FASTKD1: variants seen among roughly 807,000 people sequenced by gnomAD.
The protein encoded by FASTKD1 is FAST kinase domain-containing protein 1, mitochondrial.
Under a neutral mutation model 90.9 loss-of-function variants are expected in FASTKD1, and 94 were observed. The ratio of observed to expected loss-of-function variants is 1.03; its 90% CI spans 0.88 to 1.23. The LOEUF (loss-of-function observed/expected upper bound fraction) is 1.23, where lower values mean the gene tolerates loss of function less well. Among genes scored for constraint, FASTKD1 ranks in the 50% most tolerant of loss-of-function variants. The pLI is 0.00. For synonymous variants in FASTKD1, 319 were observed against 345.8 expected (o/e 0.92, Z 0.86); for missense variants, 945 against 993.5 (o/e 0.95, Z 0.66).
intron 2 of FASTKD1, 108 bp downstream of exon 2, chr2:169,571,545 C>A: frequency 1.4e-5 from 11 of 810,120 alleles, no homozygotes; most frequent in Non-Finnish European, 2.0e-5. Context: ...GCCTGGGCGA[C>A]AGAGACTCCT....
chr2:169,541,464 A>AT (rs1263219000), intron 9 of FASTKD1, among the ~76,000 whole-genome samples: 1 of 152,216 alleles, frequency 6.6e-6, no homozygotes. Context: ...TGTTACTAAA[A>AT]AGGGGTATAA....
At chr2:169,562,002 T>C (rs1380731178) in intron 4 of FASTKD1, among the ~76,000 whole-genome samples, 2 of 114,876 alleles carry the variant, frequency 1.7e-5, no homozygotes, top group African/African-American at 7.5e-5. Flanking sequence ...AAATTAATTA[T>C]TCATTAATTT....
chr2:169,569,663 C>A (rs1472887436), intron 2 of FASTKD1, among the ~76,000 whole-genome samples: 2 of 152,034 alleles, frequency 1.3e-5, no homozygotes, highest in Non-Finnish European at 2.9e-5. Context: ...CCAGCCTGGG[C>A]AACATGGTGA....
intron 7 of FASTKD1, among the ~76,000 whole-genome samples, chr2:169,549,612 A>T (rs1685400998): frequency 6.6e-6 from 1 of 151,682 alleles, no homozygotes; most frequent in Admixed American, 6.6e-5. Context: ...ATATAGGTAC[A>T]TGCCACCACG....
In FASTKD1 at chr2:169,563,261, A is replaced by G; in HGVS notation, c.536T>C (p.Ile179Thr). 6.2e-7 allele frequency: 1 copy of G among 1,612,046 alleles called. No individual in the cohort carries two copies. The highest frequency in any genetic ancestry group is 2.0e-4 in the Middle Eastern group (1 of 4,984). ...TGTGGTTTCCAAGTTCCTATGAACAATATCAGCTATTTTTCCCATTAATGG... is the reference window on the plus strand; with the variant it reads ...TGTGGTTTCCAAGTTCCTATGAACAGTATCAGCTATTTTTCCCATTAATGG... The part of the protein sequence containing the change: ...FSPLMGKIAD[I>T]VHRNLETTQD... Residue 179 changes from isoleucine (I) to threonine (T), a missense_variant, in exon 4 of 15, where the codon ATT (isoleucine) becomes ACT (threonine). Transcript: ENST00000453153.
rs1684242660 is a variant in FASTKD1, at chr2:169,571,764, G to A, written c.266C>T (p.Ala89Val). The change falls in exon 2 of 15, where the codon GCT (alanine) becomes GTT (valine). Residue 89 changes from alanine to valine, a missense_variant. By Grantham distance (64) the Ala-to-Val change is moderately conservative. Coordinates refer to ENST00000453153, the MANE Select transcript of FASTKD1 (RefSeq NM_024622.6). ...TTGAGGATGGTCTCTGACATACTCA[G>A]CATTTTTTAACAGGCTGGTCTTCTG... is the stretch of plus-strand genomic sequence containing the variant. The part of the protein sequence containing the change: ...QKQKTSLLKN[A>V]EYVRDHPQFL... The A allele has an allele frequency of 1.2e-6, 2 of 1,613,900 alleles. No individual in the cohort carries two copies. Among genetic ancestry groups the A allele is most frequent in the African/African-American group, 2.7e-5 (2 of 74,888 alleles).
rs1685218968 is a variant in FASTKD1, at chr2:169,546,660, A to G, written c.1259T>C (p.Val420Ala). 1 of 1,613,694 alleles carries G rather than the reference A, an allele frequency of 6.2e-7. No individual in the cohort carries two copies. The highest frequency in any genetic ancestry group is 8.5e-7 in the Non-Finnish European group (1 of 1,179,930). Residue 420 changes from valine to alanine, a missense_variant, in exon 8 of 15, where the codon GTC becomes GCC. Val to Ala is a moderately conservative substitution (Grantham distance 64). Transcript: ENST00000453153. The stretch of plus-strand genomic sequence containing the variant: ...AGAAGGGAGCAGGGAAATAGCACGG[A>G]CCAGAACAGACACCTCAGTTGGTAT... Reference protein sequence around the residue: ...SFIPTEVSVLVRAISLLPSPH... With the variant: ...SFIPTEVSVLARAISLLPSPH...
Position 169,562,071 on chromosome 2 carries a change from AAATAATTATTTATTAATTTATT to A in FASTKD1, c.572+1132_572+1153del, listed in dbSNP as rs1683709831. On this transcript the variant is annotated intron_variant, in intron 4 of 14. Transcript: ENST00000453153. The stretch of plus-strand genomic sequence containing the variant: ...ATTAATTATTTATTAATTTATTGTA[AAATAATTATTTATTAATTTATT>A]GTAAAATAATTATTTATTAATTTAT... 1.7e-5 allele frequency among the ~76,000 whole-genome samples: 2 copies of A among 120,948 alleles called. 1 individual carries two copies. Among genetic ancestry groups the A allele is most frequent in the Non-Finnish European group, 3.4e-5 (2 of 58,344 alleles). The allele number at this position is 120,948 out of a possible 152,430, so 79.3% of individuals were successfully genotyped here. A position where few individuals can be genotyped will look rare whatever the true frequency, so the allele number is the denominator to read the frequency against.
intron 5 of FASTKD1, 78 bp from the exon 6 acceptor site, chr2:169,557,375 G>T: frequency 1.5e-6 from 1 of 654,712 alleles, no homozygotes; most frequent in Non-Finnish European, 2.5e-6. Flanking sequence ...ACAGTTCTTG[G>T]GTAACAAATA....
Position 169,529,921 on chromosome 2 carries a change from G to A in FASTKD1, c.2448C>T (p.Ser816=), listed in dbSNP as rs1385875179. The change falls in exon 15 of 15, where the codon TCC becomes TCT. Residue 816 remains serine, a synonymous_variant. Coordinates refer to ENST00000453153, the MANE Select transcript of FASTKD1 (RefSeq NM_024622.6). The stretch of plus-strand genomic sequence containing the variant: ...GTGCCATAGAGTTCCATTCAAACTG[G>A]GAAATCTGAAAATAAGTAATGTTGT... ...EILGYRVIQI[S]QFEWNSMALS... The A allele has an allele frequency of 1.2e-6, 2 of 1,605,314 alleles. No individual in the cohort carries two copies.
intron 12 of FASTKD1, among the ~76,000 whole-genome samples, chr2:169,531,836 A>G (rs1416950389): frequency 1.3e-5 from 2 of 152,236 alleles, no homozygotes; most frequent in African/African-American, 4.8e-5. Context: ...CTGAAAATTA[A>G]TAAAGAAAAA....
chr2:169,569,669 G>A (rs1190633864), intron 2 of FASTKD1, among the ~76,000 whole-genome samples: 1 of 152,042 alleles, frequency 6.6e-6, no homozygotes, highest in Non-Finnish European at 1.5e-5. Flanking sequence ...TGGGCAACAT[G>A]GTGAAACCCC....
chr2:169,560,809 G>A (rs766518614), intron 4 of FASTKD1, 24 bp from the exon 5 acceptor site: 3 of 769,024 alleles, frequency 3.9e-6, no homozygotes, highest in South Asian at 2.3e-5. Context: ...AAGATGCAAA[G>A]ATTTTTACAT....
chr2:169,533,387 T>A (rs1301566199), intron 12 of FASTKD1, among the ~76,000 whole-genome samples: 1 of 152,176 alleles, frequency 6.6e-6, no homozygotes, highest in Non-Finnish European at 1.5e-5. Context: ...ATGAAATATA[T>A]AGAATTCATT....
At chr2:169,565,902 T>C (rs1683954936) in intron 3 of FASTKD1, among the ~76,000 whole-genome samples, 1 of 152,240 alleles carries the variant, frequency 6.6e-6, no homozygotes, top group African/African-American at 2.4e-5. Flanking sequence ...TGAGATGATG[T>C]CTCATTGTAG....
intron 8 of FASTKD1, among the ~76,000 whole-genome samples, chr2:169,545,139 C>T (rs904777901): frequency 1.3e-5 from 2 of 152,146 alleles, no homozygotes; most frequent in East Asian, 1.9e-4. Flanking sequence ...CATCCCAACA[C>T]TTTGGATGGC....
Position 169,571,876 on chromosome 2 carries a change from T to A in FASTKD1, c.154A>T (p.Met52Leu), listed in dbSNP as rs1684250281. The A allele has an allele frequency of 6.2e-7, 1 of 1,613,968 alleles. No individual in the cohort carries two copies. The change falls in exon 2 of 15, where the codon ATG (methionine) becomes TTG (leucine). Residue 52 changes from methionine to leucine, a missense_variant. By Grantham distance (15) the Met-to-Leu change is conservative. Transcript: ENST00000453153. ...TTGTTTCTTTCAATAAAACCAAACA[T>A]TTGCTCCTCATCTGTACACTTATTC... is the stretch of plus-strand genomic sequence containing the variant. ...QMNKCTDEEQ[M>L]FGFIERNKAI...
At chr2:169,566,203 TGC>T (rs1181962522) in intron 3 of FASTKD1, among the ~76,000 whole-genome samples, 3 of 152,098 alleles carry the variant, frequency 2.0e-5, no homozygotes. Context: ...TACAAGCGTG[TGC>T]CACCACGCCC....
At chr2:169,537,079 GCT>G (rs1333794183) in intron 12 of FASTKD1, 146 bp downstream of exon 12, 3 of 416,216 alleles carry the variant, frequency 7.2e-6, no homozygotes, top group Non-Finnish European at 1.3e-5. Context: ...TTATTCTATT[GCT>G]CTTTCTATCT....
Sources: gnomAD v4.1 joint callset for allele counts (sites outside exome capture counted in the v4.1 genomes callset) on GRCh38, gnomAD v4.1.1 for gene constraint, MANE v1.5 for transcripts, NCBI Gene and HGNC (gene_info 2026-07-23, HGNC 2026-07-21) for gene names.